Variants in KSR2 observed in about 807,000 individuals in gnomAD.
KSR2 encodes the protein kinase suppressor of ras 2.
In KSR2, 25 loss-of-function variants were observed where a neutral mutation model predicts 107.8. That is an observed-to-expected ratio of 0.23 (90% CI 0.17 to 0.32). The LOEUF is 0.32. KSR2 is among the 10% of genes least tolerant of loss of function. The pLI is 1.00. For missense variants in KSR2, 887 were observed against 1,268.9 expected (o/e 0.70, Z 4.57); for synonymous variants, 480 against 507.0 (o/e 0.95, Z 0.71).
chr12:117,576,165 G>A (rs1593010845), intron 7 of KSR2, among the ~76,000 whole-genome samples: 1 of 152,182 alleles, frequency 6.6e-6, no homozygotes, highest in African/African-American at 2.4e-5. Flanking sequence ...AAAACGGCTT[G>A]GGAAGTGTTC....
chr12:117,624,317 T>C (rs1244425719), intron 5 of KSR2, among the ~76,000 whole-genome samples: 1 of 152,140 alleles, frequency 6.6e-6, no homozygotes, highest in Admixed American at 6.5e-5. Context: ...ATGTCCTGAA[T>C]GTATTGCCTA....
chr12:117,536,397 C>T lies in KSR2; in HGVS notation c.1687+3322G>A, dbSNP rs576697948. 2.0e-5 allele frequency among the ~76,000 whole-genome samples: 3 copies of T among 152,264 alleles called. No homozygotes were observed. In the East Asian group the frequency reaches 5.8e-4, roughly 29 times the overall value. Reference sequence around the variant, plus strand: ...CACAGGGTAGGCCCAACTGTACTTCCAAAAGGTTCTGTTTTGTTTTCCATT... The same window carrying T: ...CACAGGGTAGGCCCAACTGTACTTCTAAAAGGTTCTGTTTTGTTTTCCATT... On this transcript the variant is annotated intron_variant, in intron 10 of 19. Transcript: ENST00000339824.
At chr12:117,730,862 C>G (rs544185760) in intron 4 of KSR2, among the ~76,000 whole-genome samples, 2 of 152,194 alleles carry the variant, frequency 1.3e-5, no homozygotes, top group Non-Finnish European at 2.9e-5. Flanking sequence ...TCGCTACAAC[C>G]TCCACCTCCC....
intron 3 of KSR2, among the ~76,000 whole-genome samples, chr12:117,814,775 G>A (rs973657895): frequency 5.3e-5 from 8 of 152,078 alleles, no homozygotes; most frequent in Admixed American, 2.0e-4. Flanking sequence ...CAAAGTGTGG[G>A]TCCTGAACCA....
rs1242471291 is a variant in KSR2 at position 117,458,604 on chromosome 12, T to A, written c.*8595A>T. ...TTTTTCATCTCTACAATTGTGCAAC[T>A]TTCTCCTCAGTTTACAATACAGGGG... On this transcript the variant is annotated 3_prime_UTR_variant, in exon 20 of 20. Transcript: ENST00000339824. 6.6e-6 allele frequency: 1 copy of A among 152,198 alleles called. No individual in the cohort carries two copies. Among genetic ancestry groups the A allele is most frequent in the Non-Finnish European group, 1.5e-5 (1 of 68,030 alleles). 9.4% of individuals were successfully genotyped at this position (152,198 alleles called of 1,614,324 possible).
rs909563378 is a variant in KSR2, at chr12:117,465,592, T to C, written c.*1607A>G. 1.3e-5 allele frequency: 2 copies of C among 152,212 alleles called. No homozygotes were observed. The highest frequency in any genetic ancestry group is 2.4e-5 in the African/African-American group (1 of 41,434). 9.4% of individuals were successfully genotyped at this position (152,212 alleles called of 1,614,324 possible). On this transcript the variant is annotated 3_prime_UTR_variant, in exon 20 of 20. Transcript: ENST00000339824. ...GGGGAAGAGATCCTCATAGGTCTAT[T>C]TGGATTTTGAAAGTAAGATCAGGTA...
chr12:117,713,802 C>T (rs1886881116), intron 4 of KSR2, among the ~76,000 whole-genome samples: 1 of 152,054 alleles, frequency 6.6e-6, no homozygotes. Context: ...GAGGTGGACC[C>T]GCTCCCTAAG....
intron 1 of KSR2, among the ~76,000 whole-genome samples, chr12:117,870,031 C>G (rs1160135386): frequency 6.6e-6 from 1 of 152,176 alleles, no homozygotes; most frequent in Non-Finnish European, 1.5e-5. Flanking sequence ...GAAATGGGAG[C>G]ACCAGGGTGT....
At chr12:117,816,694 A>G (rs936524625) in intron 3 of KSR2, among the ~76,000 whole-genome samples, 1 of 152,160 alleles carries the variant, frequency 6.6e-6, no homozygotes, top group African/African-American at 2.4e-5. Flanking sequence ...TTGGATCCTC[A>G]GTGCACAGCA....
intron 10 of KSR2, among the ~76,000 whole-genome samples, chr12:117,538,789 T>C (rs1312825213): frequency 2.0e-5 from 3 of 152,192 alleles, no homozygotes; most frequent in South Asian, 2.1e-4. Context: ...GCAGATACCA[T>C]GTTGAACAAA....
At chr12:117,966,837 A>C (rs1186468162) in intron 1 of KSR2, among the ~76,000 whole-genome samples, 1 of 152,146 alleles carries the variant, frequency 6.6e-6, no homozygotes, top group African/African-American at 2.4e-5. Flanking sequence ...CAGGAGGGCC[A>C]CAAGATTCAC....
At chr12:117,637,589 C>A (rs1356029244) in intron 5 of KSR2, among the ~76,000 whole-genome samples, 2 of 150,924 alleles carry the variant, frequency 1.3e-5, no homozygotes, top group African/African-American at 4.9e-5. Context: ...TTAAGAAGGG[C>A]ACTTGAATCA....
intron 10 of KSR2, among the ~76,000 whole-genome samples, chr12:117,536,124 C>T (rs1271736829): frequency 6.6e-6 from 1 of 152,170 alleles, no homozygotes; most frequent in African/African-American, 2.4e-5. Flanking sequence ...AGTTAAATGG[C>T]TGGTCAACCC....
At chr12:117,847,697 C>T (rs748963638) in intron 3 of KSR2, among the ~76,000 whole-genome samples, 3 of 152,238 alleles carry the variant, frequency 2.0e-5, no homozygotes, top group Non-Finnish European at 2.9e-5. Context: ...TGGGGGCTGG[C>T]CCTGCCCACC....
In KSR2 at chr12:117,794,049, CACTCGT is replaced by C. The variant is rs1890453096; in HGVS notation, c.473-32531_473-32526del. On this transcript the variant is annotated intron_variant, in intron 3 of 19. Coordinates refer to ENST00000339824, the MANE Select transcript of KSR2 (RefSeq NM_173598.6). ...ACCAACATGCACACACCAACATGCA[CACTCGT>C]ACCAACATGCACACATACACCAACA... Among the ~76,000 whole-genome samples, 21 of 109,470 alleles carry C rather than the reference CACTCGT, an allele frequency of 1.9e-4. 1 individual carries two copies. Among genetic ancestry groups the C allele is most frequent in the African/African-American group, 7.9e-4 (21 of 26,688 alleles). 71.8% of individuals were successfully genotyped at this position (109,470 alleles called of 152,430 possible).
chr12:117,544,927 T>C (rs962188779), intron 9 of KSR2, among the ~76,000 whole-genome samples: 3 of 152,196 alleles, frequency 2.0e-5, no homozygotes, highest in Non-Finnish European at 4.4e-5. Flanking sequence ...AGGAAAACAT[T>C]CAGTTTTTCA....
chr12:117,958,842 G>A (rs150949908), intron 1 of KSR2, among the ~76,000 whole-genome samples: 35 of 152,090 alleles, frequency 2.3e-4, no homozygotes, highest in African/African-American at 8.2e-4. Flanking sequence ...AGAAATGATG[G>A]GGCATCCATG....
At chr12:117,539,121 A>G (rs1876271855) in intron 10 of KSR2, among the ~76,000 whole-genome samples, 2 of 152,206 alleles carry the variant, frequency 1.3e-5, no homozygotes, top group African/African-American at 4.8e-5. Flanking sequence ...TTCCTGAGCT[A>G]GAGGAACCTT....
intron 5 of KSR2, among the ~76,000 whole-genome samples, chr12:117,625,987 C>T (rs543101507): frequency 2.0e-4 from 30 of 152,268 alleles, no homozygotes; most frequent in African/African-American, 7.0e-4. Context: ...AGTTTATTTG[C>T]GTAGAGGTGT....
Sources: gnomAD v4.1 joint callset for allele counts (sites outside exome capture counted in the v4.1 genomes callset) on GRCh38, gnomAD v4.1.1 for gene constraint, MANE v1.5 for transcripts, NCBI Gene and HGNC (gene_info 2026-07-23, HGNC 2026-07-21) for gene names.